EPB41L3: variants seen among roughly 807,000 people sequenced by gnomAD.
EPB41L3 encodes erythrocyte membrane protein band 4.1 like 3, also known as band 4.1-like protein 3.
Under a neutral mutation model 127.1 loss-of-function variants are expected in EPB41L3, and 57 were observed. The observed-to-expected ratio is 0.45, with a 90% CI of 0.36 to 0.56. EPB41L3 has a LOEUF of 0.56. EPB41L3 is among the 20% of genes least tolerant of loss of function. The pLI, the probability that EPB41L3 is intolerant of heterozygous loss-of-function variation, is 0.00. For synonymous variants in EPB41L3, 572 were observed against 549.5 expected, an observed-to-expected ratio of 1.04 and a Z score of -0.57; for missense variants, 1,273 against 1,372.2, an observed-to-expected ratio of 0.93 and a Z score of 1.14.
chr18:5,431,963 C>T (rs372827665), intron 8 of EPB41L3, among the ~76,000 whole-genome samples: 1 of 152,138 alleles, frequency 6.6e-6, no homozygotes, highest in Admixed American at 6.5e-5. Context: ...TGTAATTATA[C>T]ACAAATGTCA....
intron 3 of EPB41L3, among the ~76,000 whole-genome samples, chr18:5,601,765 A>G (rs1375649598): frequency 6.6e-6 from 1 of 152,198 alleles, no homozygotes; most frequent in African/African-American, 2.4e-5. Context: ...ATTATGAAAA[A>G]CAAATTTTCT....
chr18:5,509,956 C>A (rs1248959787), intron 1 of EPB41L3, among the ~76,000 whole-genome samples: 3 of 152,170 alleles, frequency 2.0e-5, no homozygotes, highest in East Asian at 3.8e-4. Context: ...AGAACCCATA[C>A]TCCTAGAACA....
chr18:5,412,891 T>C (rs2076373548), intron 13 of EPB41L3, among the ~76,000 whole-genome samples: 1 of 150,946 alleles, frequency 6.6e-6, no homozygotes, highest in Non-Finnish European at 1.5e-5. Context: ...AAAAAATGCC[T>C]ATAACAATTA....
chr18:5,450,352 A>G (rs559781841), intron 3 of EPB41L3, among the ~76,000 whole-genome samples: 1 of 152,314 alleles, frequency 6.6e-6, no homozygotes, highest in East Asian at 1.9e-4. Context: ...TTAGTCAACA[A>G]TAATGTGTCA....
chr18:5,409,380 C>T (rs2075905210), intron 14 of EPB41L3, among the ~76,000 whole-genome samples: 1 of 152,128 alleles, frequency 6.6e-6, no homozygotes, highest in African/African-American at 2.4e-5. Context: ...ATGTACTACC[C>T]TGTGGCTACA....
intron 1 of EPB41L3, among the ~76,000 whole-genome samples, chr18:5,491,061 C>G (rs1021258340): frequency 2.0e-5 from 3 of 152,216 alleles, no homozygotes; most frequent in Admixed American, 6.5e-5. Context: ...CCTCTGCACC[C>G]AGCCTGAGAC....
intron 3 of EPB41L3, among the ~76,000 whole-genome samples, chr18:5,580,759 CTGT>C (rs2094386632): frequency 6.6e-6 from 1 of 152,206 alleles, no homozygotes; most frequent in South Asian, 2.1e-4. Context: ...GATTCATTAA[CTGT>C]TGTTAAAACT....
intron 1 of EPB41L3, among the ~76,000 whole-genome samples, chr18:5,626,455 C>T (rs927852456): frequency 2.0e-5 from 3 of 152,102 alleles, no homozygotes; most frequent in Non-Finnish European, 2.9e-5. Context: ...ATATAAATAG[C>T]GGGTTTCAAT....
chr18:5,394,778 T>C lies in EPB41L3; in HGVS notation c.3169A>G (p.Ile1057Val). 5.0e-6 allele frequency: 8 copies of C among 1,614,112 alleles called. No individual in the cohort carries two copies. The highest frequency in any genetic ancestry group is 6.8e-6 in the Non-Finnish European group (8 of 1,180,012). The change falls in exon 22 of 23, where the codon ATT (isoleucine) becomes GTT (valine). Residue 1057 changes from isoleucine (I) to valine (V), a missense_variant. Physicochemically the swap from Ile to Val is conservative, Grantham distance 29. Transcript: ENST00000341928. Reference protein sequence around the residue: ...IDHDQALAQAIKEAKEQHPDM... With the variant: ...IDHDQALAQAVKEAKEQHPDM... The stretch of plus-strand genomic sequence containing the variant: ...GGGTGCTGCTCTTTGGCCTCTTTAA[T>C]TGCCTGAGCCAGCGCCTATCCCCGG...
chr18:5,492,562 G>T (rs1568413046), intron 1 of EPB41L3, among the ~76,000 whole-genome samples: 1 of 152,018 alleles, frequency 6.6e-6, no homozygotes, highest in Non-Finnish European at 1.5e-5. Context: ...GTTTTCCAAG[G>T]TTCCCTTCTC....
chr18:5,403,523 G>T (rs755789453), intron 16 of EPB41L3, among the ~76,000 whole-genome samples: 1 of 148,514 alleles, frequency 6.7e-6, no homozygotes, highest in Admixed American at 6.7e-5. Context: ...AAAGAAAAAA[G>T]ATGGTAACAT....
At chr18:5,467,229 C>T (rs974467539) in intron 3 of EPB41L3, among the ~76,000 whole-genome samples, 3 of 152,210 alleles carry the variant, frequency 2.0e-5, no homozygotes, top group Non-Finnish European at 2.9e-5. Flanking sequence ...CAGCTATTTT[C>T]CTCTTCTCAC....
At chr18:5,531,385 G>A (rs1598718598) in intron 1 of EPB41L3, among the ~76,000 whole-genome samples, 2 of 152,102 alleles carry the variant, frequency 1.3e-5, no homozygotes, top group Admixed American at 6.6e-5. Flanking sequence ...ATAGATCCAG[G>A]TTTTTTAAGT....
At chr18:5,462,553 T>TC (rs2084210444) in intron 3 of EPB41L3, among the ~76,000 whole-genome samples, 2 of 152,248 alleles carry the variant, frequency 1.3e-5, no homozygotes, top group African/African-American at 4.8e-5. Context: ...TACTGCAATT[T>TC]CCCCAAAGGA....
chr18:5,454,543 C>T (rs1029315152), intron 3 of EPB41L3, among the ~76,000 whole-genome samples: 1 of 152,152 alleles, frequency 6.6e-6, no homozygotes, highest in African/African-American at 2.4e-5. Flanking sequence ...GTGGTCCAGG[C>T]AGCATATTCA....
At chr18:5,618,493 G>C (rs942629726) in intron 1 of EPB41L3, among the ~76,000 whole-genome samples, 1 of 152,190 alleles carries the variant, frequency 6.6e-6, no homozygotes, top group Non-Finnish European at 1.5e-5. Flanking sequence ...AGAGCACACA[G>C]AACTGAGACC....
chr18:5,498,420 C>A (rs1414325052), intron 1 of EPB41L3, among the ~76,000 whole-genome samples: 1 of 151,616 alleles, frequency 6.6e-6, no homozygotes, highest in African/African-American at 2.4e-5. Flanking sequence ...ATGGTGAAAC[C>A]CCATCTCTAC....
intron 12 of EPB41L3, among the ~76,000 whole-genome samples, chr18:5,417,285 T>G (rs2144826922): frequency 6.6e-6 from 1 of 152,232 alleles, no homozygotes; most frequent in East Asian, 1.9e-4. Context: ...AAAAGCAGGG[T>G]TTTCCACAGG....
At chr18:5,580,629 T>G (rs1452138372) in intron 3 of EPB41L3, among the ~76,000 whole-genome samples, 1 of 152,096 alleles carries the variant, frequency 6.6e-6, no homozygotes, top group South Asian at 2.1e-4. Flanking sequence ...CATATATATA[T>G]AGATACATGC....
Sources: gnomAD v4.1 joint callset for allele counts (sites outside exome capture counted in the v4.1 genomes callset) on GRCh38, gnomAD v4.1.1 for gene constraint, MANE v1.5 for transcripts, NCBI Gene and HGNC (gene_info 2026-07-23, HGNC 2026-07-21) for gene names.